The following AGAP1 variants were observed in gnomAD, a reference collection of about 807,000 sequenced individuals.
The protein encoded by AGAP1 is arf-GAP with GTPase, ANK repeat and PH domain-containing protein 1.
In AGAP1, 29 loss-of-function variants were observed where a neutral mutation model predicts 105.3. That is an observed-to-expected ratio of 0.28 (90% CI 0.21 to 0.38). The LOEUF (loss-of-function observed/expected upper bound fraction) is 0.38. Ranked by LOEUF, AGAP1 falls within the 10% of genes least tolerant of loss-of-function variation. The probability of loss-of-function intolerance (pLI) is 1.00; values close to 1 mark genes in which losing one functional copy is unlikely to be tolerated. For missense variants in AGAP1, 998 were observed against 1,165.1 expected (o/e 0.86, Z 2.09); for synonymous variants, 509 against 485.9 (o/e 1.05, Z -0.63).
intron 1 of AGAP1, among the ~76,000 whole-genome samples, chr2:235,640,100 C>CT (rs1351362106): frequency 6.6e-6 from 1 of 152,248 alleles, no homozygotes; most frequent in Non-Finnish European, 1.5e-5. Flanking sequence ...CCAGCACTGT[C>CT]TATCACTAAT....
intron 1 of AGAP1, among the ~76,000 whole-genome samples, chr2:235,571,868 G>A (rs1944526862): frequency 6.6e-6 from 1 of 151,040 alleles, no homozygotes; most frequent in Non-Finnish European, 1.5e-5. Flanking sequence ...AAAGTGCTGG[G>A]ACTACAGGCG....
Position 235,618,880 on chromosome 2 carries a change from C to G in AGAP1, c.164-90299C>G, listed in dbSNP as rs115698750. On this transcript the variant is annotated intron_variant, in intron 1 of 17. Coordinates refer to ENST00000304032, the MANE Select transcript of AGAP1 (RefSeq NM_001037131.3). ...AAAAGAAATTAAGTTAAGGACCTTG[C>G]GTTGGGAGATTATTCTGGGCTATCT... Among the ~76,000 whole-genome samples, 780 of 152,142 alleles carry G rather than the reference C, an allele frequency of 5.1e-3. 6 individuals carry two copies. Among genetic ancestry groups the G allele is most frequent in the African/African-American group, 0.018 (755 of 41,494 alleles).
rs139239394 is a variant in AGAP1, at chr2:235,525,157, A to G, written c.163+30308A>G. 2.2e-3 allele frequency among the ~76,000 whole-genome samples: 335 copies of G among 152,334 alleles called. 9 individuals carry two copies. The highest frequency in any genetic ancestry group is 0.014 in the Admixed American group (221 of 15,302). ...CTGTTTAATGTTAAATTTGTATTGT[A>G]TGTCGGTGCCTCTTTTGAAACTGGA... is the stretch of plus-strand genomic sequence containing the variant. On this transcript the variant is annotated intron_variant, in intron 1 of 17. Transcript: ENST00000304032.
rs1955208887 is a variant in AGAP1 at position 235,769,026 on chromosome 2, C to T, written c.673+18538C>T. 1.3e-5 allele frequency among the ~76,000 whole-genome samples: 2 copies of T among 152,234 alleles called. No individual in the cohort carries two copies. The highest frequency in any genetic ancestry group is 4.1e-4 in the South Asian group (2 of 4,832). ...ACCAACTGTACTAAAGATCCCAGTA[C>T]TCGAGTAATTCACCATAAATGAGTG... On this transcript the variant is annotated intron_variant, in intron 6 of 17. Coordinates refer to ENST00000304032, the MANE Select transcript of AGAP1 (RefSeq NM_001037131.3). The surrounding 1 kb of genome is among the most constrained non-coding windows in gnomAD (Gnocchi z 4.4).
In AGAP1 at chr2:235,556,643, G is replaced by A. The variant is rs569212473; in HGVS notation, c.163+61794G>A. 1.3e-4 allele frequency among the ~76,000 whole-genome samples: 20 copies of A among 152,322 alleles called. 1 individual carries two copies. In the South Asian group the frequency reaches 4.1e-3, roughly 32 times the overall value. ...CTCTGGTTCCCTCTCTCCCCTATGT[G>A]CAAGTAAATAACATGCTACTATATG... is the stretch of plus-strand genomic sequence containing the variant. On this transcript the variant is annotated intron_variant, in intron 1 of 17. Transcript: ENST00000304032. This position sits in a 1 kb window ranked among gnomAD's most constrained non-coding sequence, Gnocchi z 5.3.
In AGAP1 at chr2:235,665,175, C is replaced by G. The variant is rs760446886; in HGVS notation, c.164-44004C>G. Among the ~76,000 whole-genome samples the G allele has an allele frequency of 6.6e-6, 1 of 152,200 alleles. No homozygotes were observed. Among genetic ancestry groups the G allele is most frequent in the Non-Finnish European group, 1.5e-5 (1 of 68,030 alleles). ...AAGGCTGTAGTGAGCTATGATCTTG[C>G]CACTGCACTCTAGCCTGTCTGTGTG... On this transcript the variant is annotated intron_variant, in intron 1 of 17. Transcript: ENST00000304032. This position sits in a 1 kb window ranked among gnomAD's most constrained non-coding sequence, Gnocchi z 5.3.
At chr2:235,822,887 G>T (rs1195124765) in intron 9 of AGAP1, among the ~76,000 whole-genome samples, 3 of 152,180 alleles carry the variant, frequency 2.0e-5, no homozygotes, top group Admixed American at 1.3e-4. Flanking sequence ...CAGCACATCC[G>T]AGGGAAGGAT....
intron 1 of AGAP1, among the ~76,000 whole-genome samples, chr2:235,544,804 T>C (rs1943569437): frequency 6.6e-6 from 1 of 152,202 alleles, no homozygotes; most frequent in Admixed American, 6.5e-5. Context: ...TACTGGAATG[T>C]TGACTTGAGG....
chr2:235,605,077 C>G (rs1326777709), intron 1 of AGAP1, among the ~76,000 whole-genome samples: 1 of 152,044 alleles, frequency 6.6e-6, no homozygotes, highest in Non-Finnish European at 1.5e-5. Flanking sequence ...TGGGTTTCAC[C>G]ATGTTGGCCA....
intron 16 of AGAP1, among the ~76,000 whole-genome samples, chr2:236,081,824 T>G (rs564832611): frequency 5.2e-4 from 79 of 152,302 alleles, no homozygotes; most frequent in Middle Eastern, 3.4e-3. Context: ...GCTCATGCAT[T>G]TGATGGTCTA....
rs1162723316 is a variant in AGAP1, at chr2:235,893,553, C to T, written c.1155+10104C>T. On this transcript the variant is annotated intron_variant, in intron 10 of 17. Coordinates refer to ENST00000304032, the MANE Select transcript of AGAP1 (RefSeq NM_001037131.3). The surrounding 1 kb of genome is among the most constrained non-coding windows in gnomAD (Gnocchi z 4.7). ...GCACCATGTCTGTGGTGCGGGTGTG[C>T]CGTGTCCATCATGAGGGTGCGCCGT... Among the ~76,000 whole-genome samples the T allele has an allele frequency of 6.6e-6, 1 of 151,974 alleles. No individual in the cohort carries two copies. The highest frequency in any genetic ancestry group is 2.1e-4 in the South Asian group (1 of 4,822).
intron 1 of AGAP1, among the ~76,000 whole-genome samples, chr2:235,678,392 C>A (rs934373447): frequency 1.3e-5 from 2 of 152,132 alleles, no homozygotes; most frequent in African/African-American, 2.4e-5. Context: ...CAGTGTCTAG[C>A]GCTGGTTAAG....
intron 9 of AGAP1, among the ~76,000 whole-genome samples, chr2:235,834,365 T>C (rs942067396): frequency 3.3e-5 from 5 of 152,180 alleles, no homozygotes; most frequent in African/African-American, 4.8e-5. Context: ...CAGATTCAGA[T>C]ATGCCTTCTG....
Position 236,069,630 on chromosome 2 carries a change from G to A in AGAP1, c.2114+20349G>A, listed in dbSNP as rs943165716. Among the ~76,000 whole-genome samples, 362 of 152,242 alleles carry A rather than the reference G, an allele frequency of 2.4e-3. 4 individuals are homozygous for A. The highest frequency in any genetic ancestry group is 4.1e-3 in the Non-Finnish European group (282 of 68,030). The stretch of plus-strand genomic sequence containing the variant: ...GTAGAGACGGGGTTTCACCATGTTG[G>A]CCAGGCTGGTCTTGAACGCCTGACC... On this transcript the variant is annotated intron_variant, in intron 16 of 17. Coordinates refer to ENST00000304032, the MANE Select transcript of AGAP1 (RefSeq NM_001037131.3).
chr2:235,637,344 C>T (rs1947037820), intron 1 of AGAP1, among the ~76,000 whole-genome samples: 1 of 152,166 alleles, frequency 6.6e-6, no homozygotes, highest in African/African-American at 2.4e-5. Flanking sequence ...GCGGTCATAG[C>T]TCACTGCAGC....
chr2:235,883,294 TC>T lies in AGAP1; in HGVS notation c.1051-50del. 1 of 1,555,424 alleles carries T rather than the reference TC, an allele frequency of 6.4e-7. No individual in the cohort carries two copies. The stretch of plus-strand genomic sequence containing the variant: ...ATATGTTGCCTGTGTACCTGCCTTT[TC>T]TTTTTTTTATTTACATTAGAATTTC... On this transcript the variant is annotated intron_variant, in intron 9 of 17. Coordinates refer to ENST00000304032, the MANE Select transcript of AGAP1 (RefSeq NM_001037131.3). This position sits in a 1 kb window ranked among gnomAD's most constrained non-coding sequence, Gnocchi z 4.5.
At chr2:235,573,887 C>T (rs921174323) in intron 1 of AGAP1, among the ~76,000 whole-genome samples, 11 of 152,222 alleles carry the variant, frequency 7.2e-5, no homozygotes, top group African/African-American at 1.2e-4. Context: ...CTGGAGACCC[C>T]GTGTATTCAT....
chr2:236,042,596 C>T lies in AGAP1; in HGVS notation c.1891+1755C>T, dbSNP rs557329607. ...AATGCCTGCAGTTGTTTCCACCGTG[C>T]GTCTGAAGGTCGCTTTAAAAGGAAA... On this transcript the variant is annotated intron_variant, in intron 15 of 17. Coordinates refer to ENST00000304032, the MANE Select transcript of AGAP1 (RefSeq NM_001037131.3). The surrounding 1 kb of genome is among the most constrained non-coding windows in gnomAD (Gnocchi z 5.6). Among the ~76,000 whole-genome samples, 7 of 152,272 alleles carry T rather than the reference C, an allele frequency of 4.6e-5. No homozygotes were observed. The highest frequency in any genetic ancestry group is 4.1e-4 in the South Asian group (2 of 4,826).
At chr2:235,766,411 G>T (rs1003785629) in intron 6 of AGAP1, among the ~76,000 whole-genome samples, 2 of 152,114 alleles carry the variant, frequency 1.3e-5, no homozygotes, top group African/African-American at 4.8e-5. Context: ...TTGAAAGCGC[G>T]TCTAAGGATT....
Sources: gnomAD v4.1 joint callset for allele counts (sites outside exome capture counted in the v4.1 genomes callset) on GRCh38, gnomAD v4.1.1 for gene constraint, Gnocchi (gnomAD v3.1) non-coding constraint, MANE v1.5 for transcripts, NCBI Gene and HGNC (gene_info 2026-07-23, HGNC 2026-07-21) for gene names.